ZNF510: variants seen among roughly 807,000 people sequenced by gnomAD.
ZNF510 encodes the protein zinc finger protein 510.
Under a neutral mutation model 18.1 loss-of-function variants are expected in ZNF510, and 15 were observed. The observed-to-expected ratio is 0.83, with a 90% confidence interval of 0.55 to 1.28. The LOEUF is 1.28. Ranked by LOEUF, ZNF510 falls within the 50% of genes most tolerant of loss-of-function variation. ZNF510 has a pLI of 0.00. For synonymous variants in ZNF510, 261 were observed against 266.4 expected (o/e 0.98, Z 0.20); for missense variants, 724 against 791.8 (o/e 0.91, Z 1.03).
chr9:96,760,045 G>C lies in ZNF510; in HGVS notation c.785C>G (p.Ala262Gly). 1 of 1,611,794 alleles carries C rather than the reference G, an allele frequency of 6.2e-7. No homozygotes were observed. The highest frequency in any genetic ancestry group is 1.1e-5 in the South Asian group (1 of 90,794). The change falls in exon 6 of 6, where the codon GCC becomes GGC. Residue 262 changes from alanine to glycine, a missense_variant. Coordinates refer to ENST00000223428, the MANE Select transcript of ZNF510 (RefSeq NM_014930.3). ...QAFECNKIGK[A>G]FNDKANCVKH... ...AACACAGTTAGCCTTATCATTAAAG[G>C]CTTTTCCAATTTTATTACATTCAAA...
chr9:96,774,029 GCT>G (rs1238404583), intron 3 of ZNF510, among the ~76,000 whole-genome samples: 1 of 152,204 alleles, frequency 6.6e-6, no homozygotes, highest in East Asian at 1.9e-4. Flanking sequence ...TAATACTAAG[GCT>G]CTAACCTTTA....
At position 96,763,144 on chromosome 9, in the gene ZNF510, T is replaced by A; in HGVS notation, c.326A>T (p.Glu109Val). 1 of 1,614,098 alleles carries A rather than the reference T, an allele frequency of 6.2e-7. No homozygotes were observed. Among genetic ancestry groups the A allele is most frequent in the African/African-American group, 1.3e-5 (1 of 75,054 alleles). Reference sequence around the variant, plus strand: ...TGGGTGACTCTGGTTTGAGAATTCCTCCTCTGAGAACCAAGGCTCCTCTCC... The same window carrying A: ...TGGGTGACTCTGGTTTGAGAATTCCACCTCTGAGAACCAAGGCTCCTCTCC... Reference protein sequence around the residue: ...EQGEEPWFSEEEFSNQSHPKD... With the variant: ...EQGEEPWFSEVEFSNQSHPKD... The change falls in exon 5 of 6, where the codon GAG becomes GTG. Residue 109 changes from glutamate (E) to valine (V), a missense_variant. By Grantham distance (121) the Glu-to-Val change is moderately radical. Coordinates refer to ENST00000223428, the MANE Select transcript of ZNF510 (RefSeq NM_014930.3).
chr9:96,762,508 C>CAAAAAAAAAAAAA (rs1235290923), intron 5 of ZNF510, among the ~76,000 whole-genome samples: 2 of 79,822 alleles, frequency 2.5e-5, no homozygotes, highest in African/African-American at 8.9e-5. Context: ...GACTCCGTCT[C>CAAAAAAAAAAAAA]AAAAAAAAAA....
chr9:96,769,105 T>C (rs1241392121), intron 3 of ZNF510, among the ~76,000 whole-genome samples: 1 of 152,160 alleles, frequency 6.6e-6, no homozygotes, highest in African/African-American at 2.4e-5. Flanking sequence ...ATCAAAATAA[T>C]GAAGCTGGAC....
Position 96,763,874 on chromosome 9 carries a change from C to T in ZNF510, c.130-242G>A, listed in dbSNP as rs1849412371. Among the ~76,000 whole-genome samples, 3 of 152,058 alleles carry T rather than the reference C, an allele frequency of 2.0e-5. No individual in the cohort carries two copies. The South Asian group carries it at 6.2e-4, about 32-fold the overall frequency. On this transcript the variant is annotated intron_variant, in intron 3 of 5. Transcript: ENST00000223428. ...ACTTTGGGAGGCCAAGGTGGGAGGA[C>T]TGCTTGAGCCCAGGAGTTCAAGACC...
rs2117910536 is a variant in ZNF510 at position 96,758,829 on chromosome 9, C to G, written c.2001G>C (p.Lys667Asn). The G allele has an allele frequency of 1.2e-6, 2 of 1,612,368 alleles. No homozygotes were observed. The highest frequency in any genetic ancestry group is 2.2e-5 in the East Asian group (1 of 44,856). Residue 667 changes from lysine to asparagine, a missense_variant, in exon 6 of 6, where the codon AAG (lysine) becomes AAC (asparagine). Coordinates refer to ENST00000223428, the MANE Select transcript of ZNF510 (RefSeq NM_014930.3). ...TTTTCTGGTATAAGCTTAGGGTAGA[C>G]TTCTTACATAATTTCCCATATTCAT... is the stretch of plus-strand genomic sequence containing the variant. The part of the protein sequence containing the change: ...ECNEYGKLCK[K>N]STLSLYQKIQ...
intron 5 of ZNF510, among the ~76,000 whole-genome samples, chr9:96,762,176 C>T (rs1223715017): frequency 6.8e-6 from 1 of 147,602 alleles, no homozygotes; most frequent in Non-Finnish European, 1.5e-5. Context: ...AACCAAATAC[C>T]ACCTGTTCCC....
chr9:96,776,715 G>A (rs560365257), intron 1 of ZNF510, among the ~76,000 whole-genome samples: 91 of 152,316 alleles, frequency 6.0e-4, no homozygotes, highest in Non-Finnish European at 1.1e-3. Context: ...AACCTGGGAG[G>A]TGGAGGTTGC....
intron 5 of ZNF510, among the ~76,000 whole-genome samples, chr9:96,761,451 T>C (rs9299135): frequency 0.037 from 5,695 of 152,260 alleles, 355 homozygotes; most frequent in African/African-American, 0.13. Flanking sequence ...TATATCTGCA[T>C]AAAACTTTCA....
intron 4 of ZNF510, 135 bp downstream of exon 4, chr9:96,763,371 C>T: frequency 1.5e-6 from 2 of 1,300,594 alleles, no homozygotes; most frequent in Non-Finnish European, 2.1e-6. Context: ...CTCGACAGGG[C>T]ATAGTTACTT....
At position 96,774,845 on chromosome 9, in the gene ZNF510, A is replaced by G; in HGVS notation, c.72T>C (p.Gly24=). Reference sequence around the variant, plus strand: ...AGAGTGTGGAGAACCGTAAAGGATAACCTGGGGGTGAGGAAGGAGTCATGA... The same window carrying G: ...AGAGTGTGGAGAACCGTAAAGGATAGCCTGGGGGTGAGGAAGGAGTCATGA... ...LNTVGQLAEG[G]YPLRFSTLFQ... Residue 24 remains glycine, a splice_region_variant and synonymous_variant, in exon 3 of 6, where the codon GGT becomes GGC. Coordinates refer to ENST00000223428, the MANE Select transcript of ZNF510 (RefSeq NM_014930.3). 6.2e-7 allele frequency: 1 copy of G among 1,613,726 alleles called. No individual in the cohort carries two copies. The highest frequency in any genetic ancestry group is 2.2e-5 in the East Asian group (1 of 44,860).
intron 2 of ZNF510, among the ~76,000 whole-genome samples, chr9:96,775,562 C>G (rs1849678806): frequency 6.6e-6 from 1 of 152,156 alleles, no homozygotes; most frequent in Admixed American, 6.5e-5. Context: ...TATAGTTTCT[C>G]AAAAGACTTT....
At chr9:96,769,986 G>C (rs906787598) in intron 3 of ZNF510, among the ~76,000 whole-genome samples, 1 of 152,198 alleles carries the variant, frequency 6.6e-6, no homozygotes, top group Non-Finnish European at 1.5e-5. Flanking sequence ...AAATGGTGCA[G>C]CCACTGTGGA....
intron 2 of ZNF510, among the ~76,000 whole-genome samples, chr9:96,775,699 A>G (rs1849682350): frequency 6.6e-6 from 1 of 152,176 alleles, no homozygotes; most frequent in Non-Finnish European, 1.5e-5. Flanking sequence ...AGGTTTTAAG[A>G]GTCAGAAATA....
chr9:96,761,305 C>T (rs9299133), intron 5 of ZNF510, among the ~76,000 whole-genome samples: 9,031 of 152,156 alleles, frequency 0.059, 880 homozygotes, highest in African/African-American at 0.2. Context: ...ACAGAAAGTT[C>T]TACTGTGAAA....
rs553602503 is a variant in ZNF510 at position 96,777,835 on chromosome 9, A to C, written c.-177+199T>G. 3 of 152,256 alleles carry C rather than the reference A, an allele frequency of 2.0e-5. No homozygotes were observed. In the East Asian group the frequency reaches 5.8e-4, roughly 30 times the overall value. 9.4% of individuals were successfully genotyped at this position (152,256 alleles called of 1,614,324 possible). ...CTCGGCCCGCACCGAGCATCTTCCA[A>C]CTAGGACTCAGCCCCACCTAACGCC... On this transcript the variant is annotated intron_variant, in intron 1 of 5. Transcript: ENST00000223428.
intron 3 of ZNF510, among the ~76,000 whole-genome samples, chr9:96,765,953 T>C (rs187153778): frequency 1.5e-3 from 234 of 152,302 alleles, no homozygotes; most frequent in Non-Finnish European, 2.7e-3. Flanking sequence ...TATGGTGTTG[T>C]TGGCCATTAG....
chr9:96,777,418 ACTC>A (rs1474568976), intron 1 of ZNF510, among the ~76,000 whole-genome samples: 1 of 151,576 alleles, frequency 6.6e-6, no homozygotes, highest in African/African-American at 2.4e-5. Flanking sequence ...CTATCTTTTC[ACTC>A]CTCCTTCTTC....
In ZNF510 at chr9:96,758,909, A is replaced by C. The variant is rs1442382915; in HGVS notation, c.1921T>G (p.Ser641Ala). 3.1e-6 allele frequency: 5 copies of C among 1,614,006 alleles called. No individual in the cohort carries two copies. Among genetic ancestry groups the C allele is most frequent in the Non-Finnish European group, 4.2e-6 (5 of 1,179,966 alleles). Reference sequence around the variant, plus strand: ...GTCCTTTGATGTATTCTGAGGTTTGATTTCTGGCCAAAAGTTTTCCCACAT... The same window carrying C: ...GTCCTTTGATGTATTCTGAGGTTTGCTTTCTGGCCAAAAGTTTTCCCACAT... Reference protein sequence around the residue: ...NKCGKTFGQKSNLRIHQRTHS... With the variant: ...NKCGKTFGQKANLRIHQRTHS... The change falls in exon 6 of 6, where the codon TCA (serine) becomes GCA (alanine). Residue 641 changes from serine to alanine, a missense_variant. Physicochemically the swap from Ser to Ala is moderately conservative, Grantham distance 99. Transcript: ENST00000223428.
Sources: allele counts gnomAD v4.1 joint callset (sites outside exome capture counted in the v4.1 genomes callset), GRCh38; gene constraint gnomAD v4.1.1; transcripts MANE v1.5; gene names NCBI Gene and HGNC (gene_info 2026-07-23, HGNC 2026-07-21).